ACOT11: variants seen among roughly 807,000 people sequenced by gnomAD.
The protein encoded by ACOT11 is acyl-CoA thioesterase 11.
Under a neutral mutation model 77.5 loss-of-function variants are expected in ACOT11, and 69 were observed. That is an observed-to-expected ratio of 0.89 (90% CI 0.73 to 1.09). ACOT11 has a LOEUF of 1.09. Ranked by LOEUF, ACOT11 falls within the 50% of genes least tolerant of loss-of-function variation. The probability of loss-of-function intolerance (pLI) is 0.00; values close to 1 mark genes in which losing one functional copy is unlikely to be tolerated. For synonymous variants in ACOT11, 279 were observed against 313.0 expected (o/e 0.89, Z 1.15); for missense variants, 766 against 813.7 (o/e 0.94, Z 0.71).
chr1:54,577,859 C>T (rs767893336), intron 1 of ACOT11, among the ~76,000 whole-genome samples: 12 of 152,254 alleles, frequency 7.9e-5, no homozygotes, highest in Admixed American at 2.6e-4. Flanking sequence ...GGAGCAAAGC[C>T]GCTTGTGCGC....
In ACOT11 at chr1:54,620,252, A is replaced by C. The variant is rs533602909; in HGVS notation, c.1630-10482A>C. ...GGGGCAGGTTCACAGAGAAGGGAAC[A>C]CTTAAGGAAGACCTTGAAGGATGGG... On this transcript the variant is annotated intron_variant, in intron 15 of 16. Transcript: ENST00000371316. Among the ~76,000 whole-genome samples the C allele has an allele frequency of 4.2e-4, 64 of 152,380 alleles. 1 individual carries two copies. The South Asian group carries it at 0.013, about 32-fold the overall frequency.
chr1:54,552,460 A>G (rs1346013181), intron 1 of ACOT11, among the ~76,000 whole-genome samples: 1 of 152,072 alleles, frequency 6.6e-6, no homozygotes, highest in Non-Finnish European at 1.5e-5. Flanking sequence ...AGCCTCAGCC[A>G]TGGGCAGACA....
intron 15 of ACOT11, among the ~76,000 whole-genome samples, chr1:54,617,767 A>G (rs1644189252): frequency 8.6e-6 from 1 of 116,528 alleles, no homozygotes; most frequent in Non-Finnish European, 1.6e-5. Flanking sequence ...TCTGTTGCCC[A>G]GGCTGGAGTG....
intron 12 of ACOT11, 93 bp downstream of exon 12, chr1:54,604,522 A>C: frequency 3.4e-6 from 4 of 1,161,534 alleles, no homozygotes; most frequent in Non-Finnish European, 3.8e-6. Context: ...CACTTATGTC[A>C]AAAAAAGATC....
intron 15 of ACOT11, among the ~76,000 whole-genome samples, chr1:54,616,844 T>C (rs183333026): frequency 8.5e-5 from 13 of 152,332 alleles, no homozygotes; most frequent in Admixed American, 6.5e-4. Flanking sequence ...TACTATGTAG[T>C]TGATCATCCC....
downstream of ACOT11, chr1:54,611,709 G>C: frequency 6.2e-7 from 1 of 1,614,138 alleles, no homozygotes; most frequent in Non-Finnish European, 8.5e-7. Flanking sequence ...CCACCGACAT[G>C]GGGTCCGAGG....
At chr1:54,557,214 A>C (rs899916253) in intron 1 of ACOT11, among the ~76,000 whole-genome samples, 1 of 152,000 alleles carries the variant, frequency 6.6e-6, no homozygotes, top group Non-Finnish European at 1.5e-5. Context: ...CAACATGGTG[A>C]AATCCCATCT....
intron 15 of ACOT11, among the ~76,000 whole-genome samples, chr1:54,628,602 C>T (rs879263052): frequency 5.7e-5 from 7 of 123,716 alleles, no homozygotes; most frequent in East Asian, 2.6e-4. Context: ...CGCCCCCCCC[C>T]CCCAAAAAAG....
Position 54,599,286 on chromosome 1 carries a change from G to A in ACOT11, c.765-10G>A. 6.6e-7 allele frequency: 1 copy of A among 1,513,134 alleles called. No individual in the cohort carries two copies. Among genetic ancestry groups the A allele is most frequent in the Non-Finnish European group, 8.9e-7 (1 of 1,124,322 alleles). The allele number at this position is 1,513,134 out of a possible 1,614,324, so 93.7% of individuals were successfully genotyped here. A position where few individuals can be genotyped will look rare whatever the true frequency, so the allele number is the denominator to read the frequency against. On this transcript the variant is annotated splice_polypyrimidine_tract_variant and intron_variant, in intron 7 of 15. Transcript: ENST00000343744. ...GCATTCCTTCTGTCTCCCCACCCCT[G>A]CCTCCTCAGCCGGCTCTGCCGTGCC...
At chr1:54,604,211 C>G in intron 11 of ACOT11, 135 bp from the exon 12 acceptor site, 1 of 777,134 alleles carries the variant, frequency 1.3e-6, no homozygotes, top group South Asian at 1.7e-5. Flanking sequence ...ACTCTTTCCA[C>G]AGCACCTGCC....
intron 15 of ACOT11, among the ~76,000 whole-genome samples, chr1:54,620,444 G>A (rs71637857): frequency 1.3e-5 from 2 of 152,232 alleles, no homozygotes; most frequent in Non-Finnish European, 2.9e-5. Context: ...GGTGGCTCAT[G>A]CCTGTAATCC....
rs747630282 is a variant in ACOT11, at chr1:54,584,607, G to A, written c.34-48G>A. The A allele has an allele frequency of 2.4e-5, 37 of 1,567,458 alleles. No individual in the cohort carries two copies. In the Middle Eastern group the frequency reaches 5.0e-4, roughly 21 times the overall value. ...GGGCTGGACAGACCTGGGAGACCCTGCAGCAAGCAGACCTCTCTGTCCCCA... is the reference window on the plus strand; with the variant it reads ...GGGCTGGACAGACCTGGGAGACCCTACAGCAAGCAGACCTCTCTGTCCCCA... On this transcript the variant is annotated intron_variant, in intron 1 of 15. Transcript: ENST00000343744. This position sits in a 1 kb window ranked among gnomAD's most constrained non-coding sequence, Gnocchi z 6.3.
At chr1:54,631,614 C>T (rs1036130624) in intron 16 of ACOT11, among the ~76,000 whole-genome samples, 2 of 152,068 alleles carry the variant, frequency 1.3e-5, no homozygotes, top group Non-Finnish European at 2.9e-5. Context: ...GGGCTGGTTT[C>T]GATGCACAAG....
rs971546403 is a variant in ACOT11, at chr1:54,584,418, G to A, written c.34-237G>A. On this transcript the variant is annotated intron_variant, in intron 1 of 15. Coordinates refer to ENST00000343744, the MANE Select transcript of ACOT11 (RefSeq NM_147161.4). This position sits in a 1 kb window ranked among gnomAD's most constrained non-coding sequence, Gnocchi z 6.3. ...CACTGGCCCACTCGGGTGCAAGGCC[G>A]TGTTCATGTGCAGTTCTTGGCCAAA... 3.3e-5 allele frequency among the ~76,000 whole-genome samples: 5 copies of A among 152,188 alleles called. No individual in the cohort carries two copies. The highest frequency in any genetic ancestry group is 1.2e-4 in the African/African-American group (5 of 41,444).
chr1:54,579,221 C>G (rs1055351428), intron 1 of ACOT11, among the ~76,000 whole-genome samples: 1 of 147,588 alleles, frequency 6.8e-6, no homozygotes, highest in African/African-American at 2.7e-5. Flanking sequence ...TTGCTGCCCA[C>G]CACTACTACC....
intron 15 of ACOT11, among the ~76,000 whole-genome samples, chr1:54,622,769 T>C (rs1477655090): frequency 1.4e-5 from 2 of 147,590 alleles, no homozygotes; most frequent in African/African-American, 5.0e-5. Flanking sequence ...GACTTTCTGC[T>C]GGGGAAGTCA....
Position 54,585,899 on chromosome 1 carries a change from C to T in ACOT11, c.306C>T (p.Thr102=), listed in dbSNP as rs372525029. The part of the protein sequence containing the change: ...ASMDDIYFEH[T]ISVGQVVNIK... ...TGGATGACATCTATTTTGAGCACAC[C>T]ATTAGGTAAGTGGCCCCTCCTGCCT... is the stretch of plus-strand genomic sequence containing the variant. The change falls in exon 3 of 16, where the codon ACC becomes ACT. Residue 102 remains threonine, a synonymous_variant. Coordinates refer to ENST00000343744, the MANE Select transcript of ACOT11 (RefSeq NM_147161.4). 4 of 1,613,922 alleles carry T rather than the reference C, an allele frequency of 2.5e-6. No individual in the cohort carries two copies. Among genetic ancestry groups the T allele is most frequent in the Non-Finnish European group, 2.5e-6 (3 of 1,179,984 alleles).
intron 6 of ACOT11, among the ~76,000 whole-genome samples, chr1:54,595,526 G>C (rs981942614): frequency 6.6e-6 from 1 of 152,136 alleles, no homozygotes; most frequent in African/African-American, 2.4e-5. Flanking sequence ...CGTCTCCCCA[G>C]AAGCATCTAC....
Position 54,633,674 on chromosome 1 carries a change from T to C in ACOT11, c.1783-1014T>C, listed in dbSNP as rs557331618. Among the ~76,000 whole-genome samples, 6 of 152,374 alleles carry C rather than the reference T, an allele frequency of 3.9e-5. No homozygotes were observed. The South Asian group carries it at 1.2e-3, about 32-fold the overall frequency. ...ACCTACCCGTAAAAAATTTCCACAG[T>C]GTTACATTATTCACTGTCAACTAAA... On this transcript the variant is annotated intron_variant, in intron 16 of 16. Coordinates refer to the ACOT11 transcript ENST00000371316.
Sources: allele counts gnomAD v4.1 joint callset (sites outside exome capture counted in the v4.1 genomes callset), GRCh38; gene constraint gnomAD v4.1.1; non-coding constraint Gnocchi (gnomAD v3.1); transcripts MANE v1.5; gene names NCBI Gene and HGNC (gene_info 2026-07-23, HGNC 2026-07-21).